The following PCNX2 variants were observed in gnomAD, a reference collection of about 807,000 sequenced individuals.
PCNX2 encodes the protein pecanex 2.
Under a neutral mutation model 223.8 loss-of-function variants are expected in PCNX2, and 168 were observed. That is an observed-to-expected ratio of 0.75 (90% CI 0.66 to 0.85). PCNX2 has a LOEUF of 0.85. Ranked by LOEUF, PCNX2 falls within the 40% of genes least tolerant of loss-of-function variation. PCNX2 has a pLI of 0.00. For synonymous variants in PCNX2, 1,006 were observed against 1,052.6 expected (o/e 0.96, Z 0.86); for missense variants, 2,507 against 2,675.5 (o/e 0.94, Z 1.39).
chr1:233,135,264 T>A, intron 20 of PCNX2, 74 bp from the exon 21 acceptor site: 1 of 1,417,930 alleles, frequency 7.1e-7, no homozygotes, highest in East Asian at 2.4e-5. Context: ...TCGCTAACAA[T>A]TCTCCAGGAT....
At chr1:233,043,273 T>C (rs1033904738) in intron 25 of PCNX2, among the ~76,000 whole-genome samples, 10 of 152,338 alleles carry the variant, frequency 6.6e-5, no homozygotes, top group African/African-American at 2.4e-4. Context: ...CCCATCTTTC[T>C]GTATCTACCT....
In PCNX2 at chr1:233,218,073, G is replaced by A. The variant is rs1242448470; in HGVS notation, c.2616C>T (p.Leu872=). Residue 872 remains leucine (L), a synonymous_variant, in exon 11 of 34, where the codon CTC becomes CTT. Transcript: ENST00000258229. ...GGCAGCTGGCCATGACGAGGCAGAAGAGGAGCACCCACATATCTTTGCAAA... is the reference window on the plus strand; with the variant it reads ...GGCAGCTGGCCATGACGAGGCAGAAAAGGAGCACCCACATATCTTTGCAAA... ...QGFCKDMWVL[L]FCLVMASCQY... is the part of the protein sequence containing the mutation. 1.3e-6 allele frequency: 2 copies of A among 1,594,784 alleles called. No individual in the cohort carries two copies. Among genetic ancestry groups the A allele is most frequent in the East Asian group, 4.5e-5 (2 of 44,122 alleles).
At chr1:233,087,351 A>C (rs1673657498) in intron 23 of PCNX2, among the ~76,000 whole-genome samples, 1 of 152,140 alleles carries the variant, frequency 6.6e-6, no homozygotes, top group Admixed American at 6.5e-5. Flanking sequence ...CATGGTGGTA[A>C]ATGTGCTCAC....
chr1:233,022,695 C>CTTTTTTTTTT (rs372153367), intron 26 of PCNX2, among the ~76,000 whole-genome samples: 38 of 128,656 alleles, frequency 3.0e-4, no homozygotes, highest in Non-Finnish European at 4.2e-4. Context: ...CTTTTTCTTT[C>CTTTTTTTTTT]TTTTTTTTTT....
At chr1:233,110,576 A>G (rs1377766983) in intron 21 of PCNX2, among the ~76,000 whole-genome samples, 1 of 152,232 alleles carries the variant, frequency 6.6e-6, no homozygotes, top group African/African-American at 2.4e-5. Context: ...TTGAATCTAC[A>G]CAAAGATATA....
chr1:233,129,789 TCTCCATAAACCA>T, intron 21 of PCNX2, among the ~76,000 whole-genome samples: 1 of 151,960 alleles, frequency 6.6e-6, no homozygotes, highest in South Asian at 2.1e-4. Flanking sequence ...ACCAATCAGC[TCTCCATAAACCA>T]GACCAATCAG....
chr1:233,262,954 T>C lies in PCNX2; in HGVS notation c.359+4A>G. 1.2e-6 allele frequency: 2 copies of C among 1,611,194 alleles called. No individual in the cohort carries two copies. Among genetic ancestry groups the C allele is most frequent in the Non-Finnish European group, 1.7e-6 (2 of 1,178,200 alleles). On this transcript the variant is annotated splice_donor_region_variant and intron_variant, in intron 2 of 33. Coordinates refer to ENST00000258229, the MANE Select transcript of PCNX2 (RefSeq NM_014801.4). ...TGAAGTGTCACATTAATTGAAAATA[T>C]TACCTTGGATTTCTGTGATTAGTTA...
At chr1:232,987,291 G>C (rs111347693) in intron 32 of PCNX2, among the ~76,000 whole-genome samples, 5,698 of 152,322 alleles carry the variant, frequency 0.037, 230 homozygotes, top group African/African-American at 0.098. Context: ...TGTCCATGCT[G>C]CTGGAAGCAG....
chr1:233,143,211 C>G (rs1677231174), intron 19 of PCNX2, among the ~76,000 whole-genome samples: 1 of 152,202 alleles, frequency 6.6e-6, no homozygotes, highest in South Asian at 2.1e-4. Context: ...CTTAGCCATG[C>G]AGACAATATA....
Position 233,139,721 on chromosome 1 carries a change from C to A in PCNX2, c.3652G>T (p.Gly1218Cys). 6.2e-7 allele frequency: 1 copy of A among 1,600,692 alleles called. No homozygotes were observed. The change falls in exon 20 of 34, where the codon GGT (glycine) becomes TGT (cysteine). Residue 1218 changes from glycine (G) to cysteine (C), a missense_variant. Physicochemically the swap from Gly to Cys is radical, Grantham distance 159. Around this residue, in one of 3 missense-constraint regions of PCNX2, gnomAD observed 1,372 missense variants for 1,509.4 expected, o/e 0.91. Coordinates refer to ENST00000258229, the MANE Select transcript of PCNX2 (RefSeq NM_014801.4). The surrounding 1 kb of genome is among the most constrained non-coding windows in gnomAD (Gnocchi z 4.4). Reference protein sequence around the residue: ...AFLISNHRRLGTHWDIFLMII... With the variant: ...AFLISNHRRLCTHWDIFLMII... ...AAACCATTAACCACTTACTGGGTAC[C>A]AAGTCTCCGGTGATTGCTTATTAAA...
Position 233,253,803 on chromosome 1 carries a change from C to T in PCNX2, c.1835-1015G>A, listed in dbSNP as rs1205598775. ...CATTTTTTGAATCCTCTTTAAACAA[C>T]AAACCACTAAGGGTCTCAGGTTATA... On this transcript the variant is annotated intron_variant, in intron 5 of 33. Transcript: ENST00000258229. This position sits in a 1 kb window ranked among gnomAD's most constrained non-coding sequence, Gnocchi z 4.2. 6.6e-6 allele frequency among the ~76,000 whole-genome samples: 1 copy of T among 152,174 alleles called. No homozygotes were observed. The highest frequency in any genetic ancestry group is 1.5e-5 in the Non-Finnish European group (1 of 68,028).
intron 26 of PCNX2, among the ~76,000 whole-genome samples, chr1:233,021,921 T>G (rs939908179): frequency 6.6e-6 from 1 of 152,142 alleles, no homozygotes; most frequent in Non-Finnish European, 1.5e-5. Context: ...GAGTATCAAC[T>G]ACCAGTCCAA....
At chr1:233,135,245 G>T in intron 20 of PCNX2, 55 bp from the exon 21 acceptor site, 1 of 1,501,566 alleles carries the variant, frequency 6.7e-7, no homozygotes, top group Non-Finnish European at 9.1e-7. Context: ...ACTGCTGGAT[G>T]AGTTTCATTC....
At chr1:233,295,966 C>CTTTT (rs142856364), upstream of PCNX2, among the ~76,000 whole-genome samples, 1 of 145,764 alleles carries the variant, frequency 6.9e-6, no homozygotes, top group African/African-American at 2.5e-5. This position sits in a 1 kb window ranked among gnomAD's most constrained non-coding sequence, Gnocchi z 4.1. Flanking sequence ...CTCTCTCTCT[C>CTTTT]TCTTTCTTTC....
Position 233,161,258 on chromosome 1 carries a change from G to A in PCNX2, c.3366+13C>T, listed in dbSNP as rs1350252510. On this transcript the variant is annotated intron_variant, in intron 18 of 33. Transcript: ENST00000258229. ...AAGGGGGCAGGAAGAGTACAAAGTTGGTGGATACATACTCGCAATGACAGG... is the reference window on the plus strand; with the variant it reads ...AAGGGGGCAGGAAGAGTACAAAGTTAGTGGATACATACTCGCAATGACAGG... The A allele has an allele frequency of 6.2e-7, 1 of 1,606,402 alleles. No homozygotes were observed. Among genetic ancestry groups the A allele is most frequent in the Admixed American group, 1.7e-5 (1 of 59,962 alleles).
intron 1 of PCNX2, among the ~76,000 whole-genome samples, chr1:233,276,593 CT>C (rs1558417941): frequency 6.6e-6 from 1 of 152,154 alleles, no homozygotes; most frequent in East Asian, 1.9e-4. Flanking sequence ...ACACTGGGTC[CT>C]GCTGTTTGAA....
rs1660127399 is a variant in PCNX2 at position 233,262,812 on chromosome 1, T to C, written c.359+146A>G. 4.1e-6 allele frequency: 3 copies of C among 734,478 alleles called. No individual in the cohort carries two copies. In the African/African-American group the frequency reaches 5.3e-5, roughly 13 times the overall value. The allele number at this position is 734,478 out of a possible 1,614,324, so 45.5% of individuals were successfully genotyped here. A position where few individuals can be genotyped will look rare whatever the true frequency, so the allele number is the denominator to read the frequency against. On this transcript the variant is annotated intron_variant, in intron 2 of 33. Coordinates refer to ENST00000258229, the MANE Select transcript of PCNX2 (RefSeq NM_014801.4). ...ATCTTGATTATGAATATCAATTTTA[T>C]GCTTAAGTATATGCTGAAATATAAG...
intron 23 of PCNX2, among the ~76,000 whole-genome samples, chr1:233,064,565 T>C (rs969483850): frequency 2.6e-5 from 4 of 152,150 alleles, no homozygotes; most frequent in African/African-American, 9.7e-5. Flanking sequence ...TAGCCTGGCA[T>C]AGATTTTAAA....
chr1:233,018,921 G>A, intron 26 of PCNX2: 3 of 985,410 alleles, frequency 3.0e-6, no homozygotes, highest in Non-Finnish European at 3.6e-6. Flanking sequence ...AATATTGGGT[G>A]GACGGAAACG....
Sources: gnomAD v4.1 joint callset for allele counts (sites outside exome capture counted in the v4.1 genomes callset) on GRCh38, gnomAD v4.1.1 for gene constraint, gnomAD v4.1.1 regional missense constraint, Gnocchi (gnomAD v3.1) non-coding constraint, MANE v1.5 for transcripts, NCBI Gene and HGNC (gene_info 2026-07-23, HGNC 2026-07-21) for gene names.